Variants in MACROD2 observed in about 807,000 individuals in gnomAD.
The protein encoded by MACROD2 is mono-ADP ribosylhydrolase 2, also known as ADP-ribose glycohydrolase MACROD2.
In MACROD2, 36 loss-of-function variants were observed where a neutral mutation model predicts 70.4. The ratio of observed to expected loss-of-function variants is 0.51; its 90% CI spans 0.39 to 0.68. The LOEUF (loss-of-function observed/expected upper bound fraction) is 0.68. Ranked by LOEUF, MACROD2 falls within the 30% of genes least tolerant of loss-of-function variation. MACROD2 has a pLI of 0.00. For synonymous variants in MACROD2, 172 were observed against 178.8 expected (o/e 0.96, Z 0.30); for missense variants, 496 against 538.4 (o/e 0.92, Z 0.78).
At chr20:15,288,055 T>A (rs776237921) in intron 6 of MACROD2, among the ~76,000 whole-genome samples, 153 of 152,310 alleles carry the variant, frequency 1.0e-3, no homozygotes, top group Non-Finnish European at 4.7e-4. Context: ...TAACCTGATT[T>A]GATTTTGCTT....
intron 4 of MACROD2, chr20:14,631,810 T>C (rs1192607447): frequency 1.3e-5 from 2 of 152,150 alleles, no homozygotes; most frequent in African/African-American, 2.4e-5. Flanking sequence ...AATTATATCT[T>C]TAAATTTGTT....
chr20:15,086,954 C>T (rs2075753497), intron 5 of MACROD2, among the ~76,000 whole-genome samples: 1 of 152,110 alleles, frequency 6.6e-6, no homozygotes, highest in Non-Finnish European at 1.5e-5. Context: ...AGATGTCCTT[C>T]TCCTGAATTC....
intron 5 of MACROD2, among the ~76,000 whole-genome samples, chr20:14,731,716 A>G (rs1229957980): frequency 6.6e-6 from 1 of 152,118 alleles, no homozygotes; most frequent in Non-Finnish European, 1.5e-5. Context: ...TTAAATACTA[A>G]TGAGTGATAT....
intron 8 of MACROD2, among the ~76,000 whole-genome samples, chr20:15,855,652 G>A (rs996072679): frequency 6.6e-6 from 1 of 152,020 alleles, no homozygotes; most frequent in East Asian, 1.9e-4. Context: ...AGGATCCCAG[G>A]CATTTCCCTA....
At chr20:15,057,683 T>C (rs923141088) in intron 5 of MACROD2, among the ~76,000 whole-genome samples, 1 of 152,136 alleles carries the variant, frequency 6.6e-6, no homozygotes, top group African/African-American at 2.4e-5. Context: ...TTGAGACAGG[T>C]TTGCTTAGAA....
intron 5 of MACROD2, among the ~76,000 whole-genome samples, chr20:15,126,721 T>C (rs2031668944): frequency 1.3e-5 from 2 of 152,092 alleles, no homozygotes; most frequent in South Asian, 4.1e-4. Context: ...GTTTGAATAA[T>C]TACAAAGAAT....
Position 15,354,841 on chromosome 20 carries a change from A to G in MACROD2, c.541-76564A>G, listed in dbSNP as rs76654480. On this transcript the variant is annotated intron_variant, in intron 6 of 17. Coordinates refer to ENST00000684519, the MANE Select transcript of MACROD2 (RefSeq NM_001351661.2). ...CTTATATTCATGACACAAAATGAAAAATAATGGAGAATATAAAGTTGTATC... is the reference window on the plus strand; with the variant it reads ...CTTATATTCATGACACAAAATGAAAGATAATGGAGAATATAAAGTTGTATC... Among the ~76,000 whole-genome samples the G allele has an allele frequency of 4.9e-3, 749 of 152,340 alleles. 10 individuals carry two copies. The highest frequency in any genetic ancestry group is 0.018 in the African/African-American group (731 of 41,580).
At chr20:14,442,366 C>G (rs923613350) in intron 3 of MACROD2, among the ~76,000 whole-genome samples, 3 of 152,130 alleles carry the variant, frequency 2.0e-5, no homozygotes, top group Non-Finnish European at 4.4e-5. Context: ...ATTAAATAAG[C>G]AGGTGAATCT....
intron 4 of MACROD2, among the ~76,000 whole-genome samples, chr20:14,513,666 A>G (rs955417902): frequency 1.3e-5 from 2 of 152,092 alleles, no homozygotes; most frequent in African/African-American, 4.8e-5. Context: ...AGAATACATA[A>G]AAAAACTCAC....
intron 6 of MACROD2, among the ~76,000 whole-genome samples, chr20:15,257,512 T>C (rs909347195): frequency 1.4e-4 from 21 of 152,060 alleles, no homozygotes; most frequent in African/African-American, 5.1e-4. Flanking sequence ...TTAAACAATA[T>C]GGTAAGCAAT....
chr20:14,465,601 G>A (rs570076719), intron 3 of MACROD2, among the ~76,000 whole-genome samples: 30 of 152,184 alleles, frequency 2.0e-4, no homozygotes, highest in African/African-American at 5.8e-4. Flanking sequence ...TATTTTGATT[G>A]TTAGTTGATG....
At chr20:15,659,546 G>C (rs535868829) in intron 8 of MACROD2, among the ~76,000 whole-genome samples, 161 of 151,902 alleles carry the variant, frequency 1.1e-3, no homozygotes, top group African/African-American at 3.8e-3. Flanking sequence ...CTTGTCACCT[G>C]GTTGCCTCCT....
intron 6 of MACROD2, among the ~76,000 whole-genome samples, chr20:15,385,529 A>G (rs1048058225): frequency 2.0e-5 from 3 of 152,050 alleles, no homozygotes; most frequent in African/African-American, 7.2e-5. Flanking sequence ...ATTTCCCTAC[A>G]TCTGTTTATT....
chr20:15,783,262 T>G (rs1454610805), intron 8 of MACROD2, among the ~76,000 whole-genome samples: 3 of 152,144 alleles, frequency 2.0e-5, no homozygotes, highest in Admixed American at 6.5e-5. Context: ...CATCTTTAAC[T>G]CTTGAGGATT....
chr20:14,248,003 C>CT (rs1272390690), intron 3 of MACROD2, among the ~76,000 whole-genome samples: 1 of 152,192 alleles, frequency 6.6e-6, no homozygotes, highest in Admixed American at 6.5e-5. Context: ...TTGCTGTGGT[C>CT]TAACAGCTGC....
intron 5 of MACROD2, among the ~76,000 whole-genome samples, chr20:15,047,883 T>C (rs569179450): frequency 6.6e-6 from 1 of 152,206 alleles, no homozygotes; most frequent in Non-Finnish European, 1.5e-5. Context: ...GTGGCTATTC[T>C]GTCAGCCTGG....
intron 7 of MACROD2, among the ~76,000 whole-genome samples, chr20:15,477,160 G>A (rs1485083119): frequency 1.4e-5 from 2 of 145,092 alleles, no homozygotes; most frequent in South Asian, 2.1e-4. Context: ...GACTACAGTG[G>A]CGTAATCACA....
intron 5 of MACROD2, among the ~76,000 whole-genome samples, chr20:14,914,155 G>A (rs1334822056): frequency 6.6e-6 from 1 of 152,084 alleles, no homozygotes; most frequent in African/African-American, 2.4e-5. Flanking sequence ...GTATTTTTTG[G>A]TTCCCTAACT....
chr20:14,310,867 T>A (rs1455226049), intron 3 of MACROD2, among the ~76,000 whole-genome samples: 1 of 152,030 alleles, frequency 6.6e-6, no homozygotes, highest in Non-Finnish European at 1.5e-5. Context: ...TGAGTTAATT[T>A]TTTTTTAAAT....
Sources: allele counts gnomAD v4.1 joint callset (sites outside exome capture counted in the v4.1 genomes callset), GRCh38; gene constraint gnomAD v4.1.1; transcripts MANE v1.5; gene names NCBI Gene and HGNC (gene_info 2026-07-23, HGNC 2026-07-21).